Variants in AMELX observed in about 807,000 individuals in gnomAD.
AMELX encodes amelogenin X-linked, also known as amelogenin, X isoform.
AMELX carries 9 observed loss-of-function variants against 15.8 expected under a neutral mutation model. The observed-to-expected ratio is 0.57, with a 90% CI of 0.34 to 0.99. The LOEUF (loss-of-function observed/expected upper bound fraction) is 0.99. Among genes scored for constraint, AMELX ranks in the 50% least tolerant of loss-of-function variants. The pLI is 0.02. For synonymous variants in AMELX, 61 were observed against 58.8 expected, an observed-to-expected ratio of 1.04 and a Z score of -0.17; for missense variants, 107 against 156.2, an observed-to-expected ratio of 0.68 and a Z score of 1.68.
intron 2 of AMELX, 52 bp from the exon 3 acceptor site, chrX:11,296,727 A>ACT (rs2147567323): frequency 2.7e-6 from 3 of 1,124,007 alleles, no homozygotes; most frequent in Non-Finnish European, 3.7e-6. Context: ...CTCTTCCTTC[A>ACT]CTCTCTCCCT....
chrX:11,299,016 A>G, intron 5 of AMELX, 43 bp downstream of exon 5: 1 of 1,185,800 alleles, frequency 8.4e-7, no homozygotes, highest in Non-Finnish European at 1.1e-6. Flanking sequence ...TCCTGTGAAA[A>G]TGGTGCAGCA....
chrX:11,300,840 A>C, downstream of AMELX: 1 of 321,619 alleles, frequency 3.1e-6, no homozygotes, highest in Non-Finnish European at 5.6e-6. Context: ...TTCTTGAATC[A>C]GGTAGGAACT....
chrX:11,306,571 C>G, the AMELX span, among the ~76,000 whole-genome samples: 1 of 112,573 alleles, frequency 8.9e-6, no homozygotes, highest in Non-Finnish European at 1.9e-5. Context: ...GTCTCTATCA[C>G]CAATTTACAA....
At chrX:11,305,776 A>C in the AMELX span, among the ~76,000 whole-genome samples, 1 of 112,032 alleles carries the variant, frequency 8.9e-6, no homozygotes, top group African/African-American at 3.2e-5. Flanking sequence ...CTTAATTCTC[A>C]TGATTTTCAG....
chrX:11,300,867 A>T (rs2048165656), downstream of AMELX: 2 of 274,674 alleles, frequency 7.3e-6, no homozygotes, highest in East Asian at 5.6e-5. Flanking sequence ...TTAGTCATAC[A>T]AATTCACCAT....
chrX:11,298,520 G>A, intron 4 of AMELX, 28 bp from the exon 5 acceptor site: 1 of 1,210,688 alleles, frequency 8.3e-7, no homozygotes, highest in Non-Finnish European at 1.1e-6. Flanking sequence ...TGAGCCAATG[G>A]TAAACCTGCC....
chrX:11,302,164 A>G (rs1156673949), downstream of AMELX, among the ~76,000 whole-genome samples: 13 of 112,492 alleles, frequency 1.2e-4, no homozygotes, highest in East Asian at 1.4e-3. Flanking sequence ...CCGTCATAGT[A>G]GACACATTTT....
At chrX:11,309,081 A>G in the AMELX span, among the ~76,000 whole-genome samples, 1 of 111,180 alleles carries the variant, frequency 9.0e-6, no homozygotes, top group African/African-American at 3.3e-5. Flanking sequence ...CTCCAACGCT[A>G]TTACTTCCCT....
rs182747238 is a variant in AMELX, at chrX:11,298,334, C to T, written c.144+57C>T. 2.1e-4 allele frequency: 239 copies of T among 1,151,160 alleles called. No individual in the cohort carries two copies. The African/African-American group carries it at 3.7e-3, about 18-fold the overall frequency. The allele number at this position is 1,151,160 out of a possible 1,213,427, so 94.9% of individuals were successfully genotyped here. A position where few individuals can be genotyped will look rare whatever the true frequency, so the allele number is the denominator to read the frequency against. On this transcript the variant is annotated intron_variant, in intron 4 of 5. Coordinates refer to ENST00000380714, the MANE Select transcript of AMELX (RefSeq NM_001142.2). ...AAATATTAGGCATGCATTAAAATTCCCATATTAAGTGAAATATCATGTCTA... is the reference window on the plus strand; with the variant it reads ...AAATATTAGGCATGCATTAAAATTCTCATATTAAGTGAAATATCATGTCTA...
chrX:11,301,321 G>A (rs1380512155), downstream of AMELX, among the ~76,000 whole-genome samples: 1 of 112,350 alleles, frequency 8.9e-6, no homozygotes, highest in Non-Finnish European at 1.9e-5. Flanking sequence ...TTAAACACAA[G>A]TCATTTCTTT....
chrX:11,305,588 T>C (rs1328861039), downstream of AMELX, among the ~76,000 whole-genome samples: 1 of 111,565 alleles, frequency 9.0e-6, no homozygotes, highest in Non-Finnish European at 1.9e-5. Context: ...CTGAAAGTGA[T>C]TGTGTCTACC....
At chrX:11,298,077 T>C (rs745396130) in intron 3 of AMELX, 159 bp from the exon 4 acceptor site, 3 of 1,209,156 alleles carry the variant, frequency 2.5e-6, no homozygotes, top group Non-Finnish European at 3.4e-6. Context: ...ACCCAACAAA[T>C]TTTTACCTTC....
the AMELX span, among the ~76,000 whole-genome samples, chrX:11,308,389 G>T: frequency 9.0e-6 from 1 of 111,729 alleles, no homozygotes; most frequent in Non-Finnish European, 1.9e-5. Flanking sequence ...ATTTGCACCA[G>T]ATGCTACCTT....
chrX:11,296,706 T>G, intron 2 of AMELX, 73 bp from the exon 3 acceptor site: 1 of 1,067,242 alleles, frequency 9.4e-7, no homozygotes, highest in Non-Finnish European at 1.3e-6. Context: ...CTTAATCTCT[T>G]CCTCTCTCTT....
At chrX:11,294,901 A>G in intron 2 of AMELX, 59 bp downstream of exon 2, 1 of 1,143,647 alleles carries the variant, frequency 8.7e-7, no homozygotes, top group Non-Finnish European at 1.2e-6. Context: ...GGACATAAAA[A>G]TCTGCTCATA....
the AMELX span, among the ~76,000 whole-genome samples, chrX:11,307,105 C>A: frequency 9.0e-6 from 1 of 110,908 alleles, no homozygotes; most frequent in African/African-American, 3.3e-5. Flanking sequence ...GTAGAAACCA[C>A]AAGGCCCTGT....
chrX:11,307,224 G>A, the AMELX span, among the ~76,000 whole-genome samples: 16 of 110,690 alleles, frequency 1.4e-4, no homozygotes, highest in East Asian at 3.7e-3. Context: ...CACACTCAAC[G>A]CATACAGAAA....
chrX:11,303,274 C>T (rs898833755), downstream of AMELX, among the ~76,000 whole-genome samples: 2 of 112,368 alleles, frequency 1.8e-5, no homozygotes, highest in Non-Finnish European at 3.8e-5. Context: ...GATCTGGAGC[C>T]TTAACAGCAA....
At chrX:11,298,404 A>G (rs1392909510) in intron 4 of AMELX, 127 bp downstream of exon 4, 2 of 1,112,150 alleles carry the variant, frequency 1.8e-6, no homozygotes, top group East Asian at 3.0e-5. Flanking sequence ...GTAAAAAATC[A>G]TATCTGTGTA....
Sources: allele counts gnomAD v4.1 joint callset (sites outside exome capture counted in the v4.1 genomes callset), GRCh38; gene constraint gnomAD v4.1.1; transcripts MANE v1.5; gene names NCBI Gene and HGNC (gene_info 2026-07-23, HGNC 2026-07-21).